The following MMP16 variants were observed in gnomAD, a reference collection of about 807,000 sequenced individuals.
The protein encoded by MMP16 is matrix metallopeptidase 16.
MMP16 carries 12 observed loss-of-function variants against 67.8 expected under a neutral mutation model. The observed-to-expected ratio is 0.18, with a 90% CI of 0.11 to 0.29. MMP16 has a LOEUF of 0.29. Ranked by LOEUF, MMP16 falls within the 10% of genes least tolerant of loss-of-function variation. The pLI is 1.00. For missense variants in MMP16, 475 were observed against 765.7 expected (o/e 0.62, Z 4.48); for synonymous variants, 249 against 255.9 (o/e 0.97, Z 0.26).
chr8:88,233,379 G>C (rs916525064), intron 1 of MMP16, among the ~76,000 whole-genome samples: 1 of 152,090 alleles, frequency 6.6e-6, no homozygotes, highest in Non-Finnish European at 1.5e-5. Context: ...GGTCAAACCA[G>C]ATACCTTGCC....
chr8:88,045,671 T>C (rs918477140), intron 9 of MMP16, among the ~76,000 whole-genome samples: 4 of 152,126 alleles, frequency 2.6e-5, no homozygotes, highest in Non-Finnish European at 5.9e-5. Context: ...TTCTTAATCT[T>C]GCAATACACT....
chr8:88,318,573 G>A (rs1017606972), intron 1 of MMP16, among the ~76,000 whole-genome samples: 9 of 152,174 alleles, frequency 5.9e-5, no homozygotes, highest in Admixed American at 4.6e-4. Flanking sequence ...GTATTTATTC[G>A]TTTGGAAGCC....
At chr8:88,132,684 A>C (rs958750031) in intron 4 of MMP16, among the ~76,000 whole-genome samples, 1 of 151,826 alleles carries the variant, frequency 6.6e-6, no homozygotes, top group African/African-American at 2.4e-5. Flanking sequence ...TAATCTTGGA[A>C]GTGATTCACC....
At chr8:88,103,090 T>C (rs1458163682) in intron 6 of MMP16, among the ~76,000 whole-genome samples, 2 of 151,974 alleles carry the variant, frequency 1.3e-5, no homozygotes, top group East Asian at 3.9e-4. Flanking sequence ...TTTCTCAATC[T>C]CCTTGCCTTG....
rs866207046 is a variant in MMP16 at position 88,060,838 on chromosome 8, C to T, written c.1223-4560G>A. ...CTTAATAAATAAATAGTTACTGATG[C>T]AAAGAACCATGTTTAATATTACATG... On this transcript the variant is annotated intron_variant, in intron 7 of 9. Transcript: ENST00000286614. Among the ~76,000 whole-genome samples, 4 of 151,978 alleles carry T rather than the reference C, an allele frequency of 2.6e-5. No homozygotes were observed. In the South Asian group the frequency reaches 8.3e-4, roughly 32 times the overall value.
chr8:88,305,140 C>T (rs1586010945), intron 1 of MMP16, among the ~76,000 whole-genome samples: 1 of 152,078 alleles, frequency 6.6e-6, no homozygotes, highest in African/African-American at 2.4e-5. Context: ...GCAGGGATTG[C>T]AATCTTGGAT....
intron 1 of MMP16, among the ~76,000 whole-genome samples, chr8:88,208,940 G>T (rs1448915934): frequency 6.6e-6 from 1 of 151,926 alleles, no homozygotes; most frequent in African/African-American, 2.4e-5. Flanking sequence ...AACAGAAAAT[G>T]ACTTAATAGC....
intron 1 of MMP16, among the ~76,000 whole-genome samples, chr8:88,252,333 T>A (rs1342705154): frequency 6.6e-6 from 1 of 152,136 alleles, no homozygotes; most frequent in East Asian, 1.9e-4. Flanking sequence ...ATGCTGGTTC[T>A]AGCTCATCAT....
intron 1 of MMP16, among the ~76,000 whole-genome samples, chr8:88,212,208 T>C (rs1330857875): frequency 6.6e-6 from 1 of 152,170 alleles, no homozygotes; most frequent in Non-Finnish European, 1.5e-5. Context: ...GTGGTGGGTA[T>C]GGACACAGGC....
At chr8:88,184,737 G>T (rs1174122883) in intron 3 of MMP16, among the ~76,000 whole-genome samples, 1 of 73,524 alleles carries the variant, frequency 1.4e-5, no homozygotes, top group Non-Finnish European at 2.4e-5. Flanking sequence ...ACAGAGTGAG[G>T]CCCTGTCTCA....
intron 4 of MMP16, among the ~76,000 whole-genome samples, chr8:88,126,739 C>T (rs1050587174): frequency 6.6e-6 from 1 of 151,802 alleles, no homozygotes; most frequent in African/African-American, 2.4e-5. Context: ...AAAGTCCTGA[C>T]TCAACTACTG....
intron 1 of MMP16, among the ~76,000 whole-genome samples, chr8:88,283,760 T>C (rs950624318): frequency 2.6e-5 from 4 of 152,222 alleles, no homozygotes; most frequent in African/African-American, 7.2e-5. Context: ...TGACCTGTGA[T>C]ACCGAGAACA....
chr8:88,132,231 GA>G (rs28907615), intron 4 of MMP16, among the ~76,000 whole-genome samples: 5,268 of 151,932 alleles, frequency 0.035, 140 homozygotes, highest in Middle Eastern at 0.075. Flanking sequence ...TTCAATACTT[GA>G]AAACCCTTGG....
chr8:88,243,610 C>T (rs1810065020), intron 1 of MMP16, among the ~76,000 whole-genome samples: 1 of 152,122 alleles, frequency 6.6e-6, no homozygotes, highest in Non-Finnish European at 1.5e-5. Context: ...TGTTTTTGGG[C>T]AAGAATCCTC....
rs34127125 is a variant in MMP16 at position 88,238,663 on chromosome 8, T to TAAA, written c.133-41360_133-41358dup. Among the ~76,000 whole-genome samples, 140 of 99,868 alleles carry TAAA rather than the reference T, an allele frequency of 1.4e-3. 1 individual carries two copies. The highest frequency in any genetic ancestry group is 1.9e-3 in the Non-Finnish European group (97 of 51,346). 65.5% of individuals were successfully genotyped at this position (99,868 alleles called of 152,430 possible). A position where few individuals can be genotyped will look rare whatever the true frequency, so the allele number is the denominator to read the frequency against. ...CCTGGGCAACTGTGCAAGACTCTGTTAAAAAAAAAAAAAAAAAAAAAAAAA... is the reference window on the plus strand; with the variant it reads ...CCTGGGCAACTGTGCAAGACTCTGTTAAAAAAAAAAAAAAAAAAAAAAAAAAAA... On this transcript the variant is annotated intron_variant, in intron 1 of 9. Transcript: ENST00000286614.
chr8:88,247,141 C>CGGTCAACATTCA (rs1467013003), intron 1 of MMP16, among the ~76,000 whole-genome samples: 1 of 152,024 alleles, frequency 6.6e-6, no homozygotes. Context: ...GGTAGGGGCA[C>CGGTCAACATTCA]GGTCAACATT....
intron 7 of MMP16, among the ~76,000 whole-genome samples, chr8:88,070,468 C>G (rs1186278988): frequency 6.6e-6 from 1 of 152,080 alleles, no homozygotes; most frequent in Non-Finnish European, 1.5e-5. Flanking sequence ...CCTTTTGTTC[C>G]CACTGATTGG....
chr8:88,226,161 T>C (rs536843659), intron 1 of MMP16, among the ~76,000 whole-genome samples: 65 of 152,118 alleles, frequency 4.3e-4, no homozygotes, highest in Admixed American at 9.2e-4. Flanking sequence ...AACTTCCTTT[T>C]CCCATTTTTT....
At chr8:88,129,333 A>G (rs1807988865) in intron 4 of MMP16, among the ~76,000 whole-genome samples, 1 of 151,822 alleles carries the variant, frequency 6.6e-6, no homozygotes, top group South Asian at 2.1e-4. Context: ...TGGCCTAGGT[A>G]TAAACAATTT....
Sources: gnomAD v4.1 joint callset for allele counts (sites outside exome capture counted in the v4.1 genomes callset) on GRCh38, gnomAD v4.1.1 for gene constraint, MANE v1.5 for transcripts, NCBI Gene and HGNC (gene_info 2026-07-23, HGNC 2026-07-21) for gene names.